COL20A1: variants seen among roughly 807,000 people sequenced by gnomAD.
The protein encoded by COL20A1 is collagen type XX alpha 1 chain, also known as collagen alpha-1(XX) chain.
Under a neutral mutation model 152.9 loss-of-function variants are expected in COL20A1, and 164 were observed. The observed-to-expected ratio is 1.07, with a 90% CI of 0.94 to 1.22. COL20A1 has a LOEUF of 1.22. Among genes scored for constraint, COL20A1 ranks in the 50% most tolerant of loss-of-function variants. The pLI, the probability that COL20A1 is intolerant of heterozygous loss-of-function variation, is 0.00. For missense variants in COL20A1, 1,873 were observed against 1,744.8 expected (o/e 1.07, Z -1.31); for synonymous variants, 864 against 756.0 (o/e 1.14, Z -2.34).
At position 63,311,779 on chromosome 20, in the gene COL20A1, C is replaced by T. The variant is rs765261231; in HGVS notation, c.1663+31C>T. ...TGCTCCAACCCCGGCTGCCTGCCCA[C>T]AGGCGGGTGCCCCATCTTGTTCCTC... On this transcript the variant is annotated intron_variant, in intron 13 of 35. Coordinates refer to ENST00000358894, the MANE Select transcript of COL20A1 (RefSeq NM_020882.4). The surrounding 1 kb of genome is among the most constrained non-coding windows in gnomAD (Gnocchi z 4.4). 44 of 1,567,520 alleles carry T rather than the reference C, an allele frequency of 2.8e-5. No individual in the cohort carries two copies. In the Middle Eastern group the frequency reaches 1.1e-3, roughly 40 times the overall value.
rs950938307 is a variant in COL20A1, at chr20:63,320,329, C to G, written c.3114C>G (p.Thr1038=). The change falls in exon 25 of 36, where the codon ACC becomes ACG. Residue 1038 remains threonine (T), a synonymous_variant. Coordinates refer to ENST00000358894, the MANE Select transcript of COL20A1 (RefSeq NM_020882.4). ...TGCTGCAGATCGTGTGCAGTGACACCTGGGCCGATGAGGACCGGTGCTGTG... is the reference window on the plus strand; with the variant it reads ...TGCTGCAGATCGTGTGCAGTGACACGTGGGCCGATGAGGACCGGTGCTGTG... ...LQMLQIVCSD[T]WADEDRCCEL... 12 of 1,611,248 alleles carry G rather than the reference C, an allele frequency of 7.4e-6. No homozygotes were observed. The highest frequency in any genetic ancestry group is 1.0e-5 in the Non-Finnish European group (12 of 1,179,856).
Position 63,319,158 on chromosome 20 carries a change from A to G in COL20A1, c.2764A>G (p.Thr922Ala). 6.2e-7 allele frequency: 1 copy of G among 1,612,424 alleles called. No individual in the cohort carries two copies. Among genetic ancestry groups the G allele is most frequent in the Non-Finnish European group, 8.5e-7 (1 of 1,179,654 alleles). The change falls in exon 22 of 36, where the codon ACA (threonine) becomes GCA (alanine). Residue 922 changes from threonine to alanine, a missense_variant. By Grantham distance (58) the Thr-to-Ala change is moderately conservative. Transcript: ENST00000358894. The surrounding 1 kb of genome is among the most constrained non-coding windows in gnomAD (Gnocchi z 4.4). ...PREAFALWQMTAEDFQPLLGV... is the reference protein window; with the variant it reads ...PREAFALWQMAAEDFQPLLGV... The stretch of plus-strand genomic sequence containing the variant: ...TGAGGCCTTCGCGCTGTGGCAGATG[A>G]CAGCCGAGGACTTCCAGCCCCTCCT...
chr20:63,326,399 T>G (rs974059117), intron 30 of COL20A1, among the ~76,000 whole-genome samples: 1 of 151,884 alleles, frequency 6.6e-6, no homozygotes, highest in Non-Finnish European at 1.5e-5. Context: ...TGGAGGGGGG[T>G]CTCCTGGCAT....
At chr20:63,323,621 T>C (rs2068201378) in intron 27 of COL20A1, among the ~76,000 whole-genome samples, 1 of 152,200 alleles carries the variant, frequency 6.6e-6, no homozygotes, top group African/African-American at 2.4e-5. Context: ...AGCCAGCCCC[T>C]TGCAGAAGTT....
rs571592227 is a variant in COL20A1, at chr20:63,334,383, G to A, written c.*3667G>A. The A allele has an allele frequency of 2.6e-5, 4 of 152,302 alleles. No homozygotes were observed. The South Asian group carries it at 6.2e-4, about 24-fold the overall frequency. The allele number at this position is 152,302 out of a possible 1,614,324, so 9.4% of individuals were successfully genotyped here. ...GCTGCAGCTGCAGTGGTACCTAGAGGGCAATTTATAGCTGTAAATACAGTG... is the reference window on the plus strand; with the variant it reads ...GCTGCAGCTGCAGTGGTACCTAGAGAGCAATTTATAGCTGTAAATACAGTG... On this transcript the variant is annotated 3_prime_UTR_variant, in exon 36 of 36. Coordinates refer to ENST00000358894, the MANE Select transcript of COL20A1 (RefSeq NM_020882.4).
At chr20:63,297,286 A>C (rs1438549711) in intron 2 of COL20A1, among the ~76,000 whole-genome samples, 1 of 140,894 alleles carries the variant, frequency 7.1e-6, no homozygotes, top group Non-Finnish European at 1.6e-5. Context: ...AGCTCAGGGG[A>C]CCCAGCCTGG....
At chr20:63,295,270 C>T (rs2067772741) in intron 2 of COL20A1, 81 bp downstream of exon 2, 2 of 861,086 alleles carry the variant, frequency 2.3e-6, no homozygotes, top group East Asian at 2.7e-5. Flanking sequence ...GAGCCCTCCG[C>T]CCCTGAGCCC....
In COL20A1 at chr20:63,319,128, C is replaced by T. The variant is rs371998722; in HGVS notation, c.2734C>T (p.Pro912Ser). 2 of 1,613,158 alleles carry T rather than the reference C, an allele frequency of 1.2e-6. No individual in the cohort carries two copies. The highest frequency in any genetic ancestry group is 2.7e-5 in the African/African-American group (2 of 74,864). ...CCTTGTGCGCCTACTTCCCGAGACACCCCGTGAGGCCTTCGCGCTGTGGCA... is the reference window on the plus strand; with the variant it reads ...CCTTGTGCGCCTACTTCCCGAGACATCCCGTGAGGCCTTCGCGCTGTGGCA... ...VFLVRLLPET[P>S]REAFALWQMT... Residue 912 changes from proline (P) to serine (S), a missense_variant, in exon 22 of 36, where the codon CCC becomes TCC. Pro to Ser is a moderately conservative substitution (Grantham distance 74). Transcript: ENST00000358894. This position sits in a 1 kb window ranked among gnomAD's most constrained non-coding sequence, Gnocchi z 4.4.
chr20:63,323,920 C>T (rs547103739), intron 27 of COL20A1, among the ~76,000 whole-genome samples: 2 of 152,326 alleles, frequency 1.3e-5, no homozygotes, highest in South Asian at 2.1e-4. Flanking sequence ...GAACTGCATT[C>T]GCTTTATAGA....
At position 63,315,431 on chromosome 20, in the gene COL20A1, C is replaced by T. The variant is rs2068071579; in HGVS notation, c.2516C>T (p.Ser839Phe). Residue 839 changes from serine (S) to phenylalanine (F), a missense_variant, in exon 20 of 36, where the codon TCC (serine) becomes TTC (phenylalanine). By Grantham distance (155) the Ser-to-Phe change is radical. Transcript: ENST00000358894. ...TACPALRPDG[S>F]LPGFDLMVAF... ...TGCCCAGCCCTCCGCCCTGACGGCT[C>T]CCTCCCAGGTGGGTCCTGCATGCCC... 1.3e-6 allele frequency: 2 copies of T among 1,578,486 alleles called. No individual in the cohort carries two copies. Among genetic ancestry groups the T allele is most frequent in the South Asian group, 2.3e-5 (2 of 86,428 alleles).
chr20:63,311,108 C>T lies in COL20A1; in HGVS notation c.1394-286C>T, dbSNP rs539901388. Among the ~76,000 whole-genome samples the T allele has an allele frequency of 3.7e-3, 569 of 152,138 alleles. 3 individuals carry two copies. The highest frequency in any genetic ancestry group is 0.013 in the African/African-American group (558 of 41,506). On this transcript the variant is annotated intron_variant, in intron 11 of 35. Transcript: ENST00000358894. This position sits in a 1 kb window ranked among gnomAD's most constrained non-coding sequence, Gnocchi z 4.4. ...TGCAGGTGGAATCACACAGTGCAGA[C>T]TTTTGTGTCTGGGTGTTTCCCAAAG...
chr20:63,299,531 C>T (rs1408417766), intron 3 of COL20A1, among the ~76,000 whole-genome samples: 1 of 152,114 alleles, frequency 6.6e-6, no homozygotes, highest in Non-Finnish European at 1.5e-5. Flanking sequence ...TGAATTCAAT[C>T]CTGTAGCCGC....
At chr20:63,295,950 T>C (rs549294275) in intron 2 of COL20A1, among the ~76,000 whole-genome samples, 12 of 152,380 alleles carry the variant, frequency 7.9e-5, no homozygotes, top group African/African-American at 2.4e-4. Flanking sequence ...GCGATGGTTT[T>C]GTTCCGCTGG....
chr20:63,296,882 C>T (rs2067800931), intron 2 of COL20A1, among the ~76,000 whole-genome samples: 1 of 152,116 alleles, frequency 6.6e-6, no homozygotes, highest in Non-Finnish European at 1.5e-5. Context: ...TTCCGGGGGG[C>T]AGCCCAAAGA....
Position 63,305,986 on chromosome 20 carries a change from A to T in COL20A1, c.443A>T (p.Gln148Leu). Residue 148 changes from glutamine to leucine, a missense_variant, in exon 5 of 36, where the codon CAG becomes CTG. Coordinates refer to ENST00000358894, the MANE Select transcript of COL20A1 (RefSeq NM_020882.4). The surrounding 1 kb of genome is among the most constrained non-coding windows in gnomAD (Gnocchi z 4.9). ...CACACGGGGAGCCCAGACCCTGAGCAGGCTTCTGAGCCCCAAGTTGCCTTC... is the reference window on the plus strand; with the variant it reads ...CACACGGGGAGCCCAGACCCTGAGCTGGCTTCTGAGCCCCAAGTTGCCTTC... ...PSHTGSPDPE[Q>L]ASEPQVAFTP... The T allele has an allele frequency of 6.2e-7, 1 of 1,612,774 alleles. No individual in the cohort carries two copies. The highest frequency in any genetic ancestry group is 8.5e-7 in the Non-Finnish European group (1 of 1,179,760).
In COL20A1 at chr20:63,327,938, C is replaced by A; in HGVS notation, c.3529-14C>A. ...CATCTCTGCTGACTTCTTTTCTCTT[C>A]CCCTCCTCATCAGGGACTGCCAGGG... On this transcript the variant is annotated splice_polypyrimidine_tract_variant and intron_variant, in intron 31 of 35. Transcript: ENST00000358894. 4.4e-6 allele frequency: 7 copies of A among 1,590,756 alleles called. No homozygotes were observed. Among genetic ancestry groups the A allele is most frequent in the Non-Finnish European group, 6.0e-6 (7 of 1,167,946 alleles).
rs2068358494 is a variant in COL20A1 at position 63,333,533 on chromosome 20, A to T, written c.*2817A>T. 6.6e-6 allele frequency: 1 copy of T among 152,202 alleles called. No individual in the cohort carries two copies. Among genetic ancestry groups the T allele is most frequent in the Non-Finnish European group, 1.5e-5 (1 of 68,022 alleles). The allele number at this position is 152,202 out of a possible 1,614,324, so 9.4% of individuals were successfully genotyped here. On this transcript the variant is annotated 3_prime_UTR_variant, in exon 36 of 36. Coordinates refer to ENST00000358894, the MANE Select transcript of COL20A1 (RefSeq NM_020882.4). ...GCCGAGTGGCTCTGCCTGAGGCCCCAAGAGCGACCTTGGAAGCTCCAGGCC... is the reference window on the plus strand; with the variant it reads ...GCCGAGTGGCTCTGCCTGAGGCCCCTAGAGCGACCTTGGAAGCTCCAGGCC...
chr20:63,329,582 C>A lies in COL20A1; in HGVS notation c.3782-3C>A, dbSNP rs367829163. 119 of 1,608,950 alleles carry A rather than the reference C, an allele frequency of 7.4e-5. No homozygotes were observed. In the African/African-American group the frequency reaches 1.2e-3, roughly 16 times the overall value. On this transcript the variant is annotated splice_polypyrimidine_tract_variant and splice_region_variant and intron_variant, in intron 34 of 35. Coordinates refer to ENST00000358894, the MANE Select transcript of COL20A1 (RefSeq NM_020882.4). ...TCCTCACATGCCCTCCCTTTCCTCG[C>A]AGGGGAGCCTGGAGCTGTTGGTCAG...
chr20:63,311,395 A>G lies in COL20A1; in HGVS notation c.1395A>G (p.Ala465=). Residue 465 remains alanine, a splice_region_variant and synonymous_variant, in exon 12 of 36, where the codon GCA becomes GCG. Transcript: ENST00000358894. The surrounding 1 kb of genome is among the most constrained non-coding windows in gnomAD (Gnocchi z 4.4). The part of the protein sequence containing the change: ...GEGLRGLVTT[A]PLPPPRALTL... Reference sequence around the variant, plus strand: ...AAGTGTCCCTGCATGGCCCCCCAGCACCTCTGCCTCCGCCCCGGGCGCTGA... The same window carrying G: ...AAGTGTCCCTGCATGGCCCCCCAGCGCCTCTGCCTCCGCCCCGGGCGCTGA... 1 of 1,580,420 alleles carries G rather than the reference A, an allele frequency of 6.3e-7. No homozygotes were observed. The highest frequency in any genetic ancestry group is 8.6e-7 in the Non-Finnish European group (1 of 1,164,560).
Sources: allele counts gnomAD v4.1 joint callset (sites outside exome capture counted in the v4.1 genomes callset), GRCh38; gene constraint gnomAD v4.1.1; non-coding constraint Gnocchi (gnomAD v3.1); transcripts MANE v1.5; gene names NCBI Gene and HGNC (gene_info 2026-07-23, HGNC 2026-07-21).